Variants in EPHB1 observed in about 807,000 individuals in gnomAD.
EPHB1 encodes the protein ephrin type-B receptor 1.
In EPHB1, 30 loss-of-function variants were observed where a neutral mutation model predicts 94.4. The ratio of observed to expected loss-of-function variants is 0.32; its 90% CI spans 0.24 to 0.43. The LOEUF (loss-of-function observed/expected upper bound fraction) is 0.43. Ranked by LOEUF, EPHB1 falls within the 20% of genes least tolerant of loss-of-function variation. The pLI, the probability that EPHB1 is intolerant of heterozygous loss-of-function variation, is 1.00. For synonymous variants in EPHB1, 522 were observed against 489.1 expected (o/e 1.07, Z -0.89); for missense variants, 1,055 against 1,308.3 (o/e 0.81, Z 2.99).
At chr3:135,171,256 A>G (rs2107701540) in intron 9 of EPHB1, among the ~76,000 whole-genome samples, 1 of 152,290 alleles carries the variant, frequency 6.6e-6, no homozygotes, top group African/African-American at 2.4e-5. Flanking sequence ...GTGAATTTTT[A>G]TTTTGAAAAA....
In EPHB1 at chr3:134,890,112, C is replaced by T. The variant is rs540753534; in HGVS notation, c.59-35704C>T. 3.3e-5 allele frequency among the ~76,000 whole-genome samples: 5 copies of T among 152,244 alleles called. No homozygotes were observed. In the South Asian group the frequency reaches 1.0e-3, roughly 32 times the overall value. ...AAACGCAGAGGAAGCCCCCATCCACCTCTCCTCAGTCACTACCCCCCCTTC... is the reference window on the plus strand; with the variant it reads ...AAACGCAGAGGAAGCCCCCATCCACTTCTCCTCAGTCACTACCCCCCCTTC... On this transcript the variant is annotated intron_variant, in intron 1 of 15. Coordinates refer to ENST00000398015, the MANE Select transcript of EPHB1 (RefSeq NM_004441.5).
At position 134,886,686 on chromosome 3, in the gene EPHB1, T is replaced by G. The variant is rs1034101624; in HGVS notation, c.59-39130T>G. On this transcript the variant is annotated intron_variant, in intron 1 of 15. Transcript: ENST00000398015. ...TGTAATATTTCTTGAGTACTCACTA[T>G]GTGCTGGGAAGTGTGCAAACCTTTT... is the stretch of plus-strand genomic sequence containing the variant. Among the ~76,000 whole-genome samples, 11 of 152,226 alleles carry G rather than the reference T, an allele frequency of 7.2e-5. 1 individual carries two copies. The highest frequency in any genetic ancestry group is 7.2e-4 in the Admixed American group (11 of 15,286).
chr3:134,830,724 C>G (rs35600864), intron 1 of EPHB1, among the ~76,000 whole-genome samples: 24,090 of 152,142 alleles, frequency 0.16, 2,588 homozygotes, highest in African/African-American at 0.31. Context: ...TGACCGTGTT[C>G]AAGGGTTCCC....
intron 1 of EPHB1, among the ~76,000 whole-genome samples, chr3:134,863,295 C>T (rs909807907): frequency 1.3e-5 from 2 of 152,182 alleles, no homozygotes; most frequent in East Asian, 1.9e-4. Flanking sequence ...TGGCCTGTTT[C>T]GCATCATACT....
At chr3:134,923,744 C>T (rs1340830392) in intron 1 of EPHB1, among the ~76,000 whole-genome samples, 1 of 152,178 alleles carries the variant, frequency 6.6e-6, no homozygotes, top group Non-Finnish European at 1.5e-5. Context: ...TCTCCCCAAA[C>T]CTTTGGTTTA....
intron 3 of EPHB1, among the ~76,000 whole-genome samples, chr3:134,983,807 A>C (rs1385836330): frequency 2.0e-5 from 3 of 152,228 alleles, no homozygotes; most frequent in Non-Finnish European, 4.4e-5. Context: ...CAGTGACCCA[A>C]AACCTCATAG....
intron 10 of EPHB1, among the ~76,000 whole-genome samples, chr3:135,180,881 G>T (rs779307514): frequency 2.0e-5 from 3 of 151,918 alleles, no homozygotes; most frequent in Admixed American, 2.0e-4. Context: ...TTCAATTCTT[G>T]TTAGCCATTG....
At chr3:135,029,367 G>T (rs1329142182) in intron 3 of EPHB1, among the ~76,000 whole-genome samples, 1 of 151,854 alleles carries the variant, frequency 6.6e-6, no homozygotes, top group East Asian at 1.9e-4. Flanking sequence ...GGTACTGGTT[G>T]TTCCTTTCCA....
chr3:134,822,030 A>G (rs1373878997), intron 1 of EPHB1, among the ~76,000 whole-genome samples: 1 of 152,162 alleles, frequency 6.6e-6, no homozygotes, highest in Non-Finnish European at 1.5e-5. Context: ...GGAGGAAGGG[A>G]GCTCCCCATA....
intron 1 of EPHB1, among the ~76,000 whole-genome samples, chr3:134,807,036 A>C (rs1222489474): frequency 2.6e-5 from 4 of 152,144 alleles, no homozygotes; most frequent in African/African-American, 7.2e-5. Flanking sequence ...CTTGATTACA[A>C]AATTCTTTTC....
intron 12 of EPHB1, among the ~76,000 whole-genome samples, chr3:135,219,046 T>TG (rs939788121): frequency 3.6e-4 from 55 of 152,074 alleles, no homozygotes; most frequent in Middle Eastern, 6.8e-3. Flanking sequence ...CAAGCACAGG[T>TG]GGGGGAAGAG....
At chr3:135,140,026 A>T (rs972601232) in intron 5 of EPHB1, among the ~76,000 whole-genome samples, 1 of 152,082 alleles carries the variant, frequency 6.6e-6, no homozygotes, top group African/African-American at 2.4e-5. Flanking sequence ...TCAGGGACCT[A>T]TTTGCTTGTT....
At chr3:135,169,592 C>T (rs1941746702) in intron 9 of EPHB1, among the ~76,000 whole-genome samples, 1 of 152,146 alleles carries the variant, frequency 6.6e-6, no homozygotes, top group South Asian at 2.1e-4. Context: ...GAATGTAGAG[C>T]TGGCGGATGG....
chr3:135,241,005 C>A, intron 12 of EPHB1, 143 bp from the exon 13 acceptor site: 1 of 986,328 alleles, frequency 1.0e-6, no homozygotes, highest in Non-Finnish European at 1.5e-6. Flanking sequence ...ATAGCTTGTG[C>A]ACGAAGCAAG....
chr3:134,822,790 G>A (rs1339713612), intron 1 of EPHB1, among the ~76,000 whole-genome samples: 1 of 152,182 alleles, frequency 6.6e-6, no homozygotes, highest in Non-Finnish European at 1.5e-5. Flanking sequence ...CCTTGGAAGA[G>A]ATTTGTGTCT....
intron 3 of EPHB1, among the ~76,000 whole-genome samples, chr3:134,959,823 A>G (rs539331764): frequency 9.2e-5 from 14 of 152,178 alleles, no homozygotes; most frequent in African/African-American, 3.4e-4. Context: ...TCTTATTTGT[A>G]TCAAGGACCC....
intron 12 of EPHB1, among the ~76,000 whole-genome samples, chr3:135,230,595 A>T (rs905930814): frequency 2.6e-5 from 4 of 152,172 alleles, no homozygotes; most frequent in South Asian, 2.1e-4. Flanking sequence ...TTAAATTTTT[A>T]AAATAATTTT....
chr3:135,248,351 C>G lies in EPHB1; in HGVS notation c.2532C>G (p.Pro844=), dbSNP rs914509193. ...CCATCGAGCAGGACTACCGGCTGCCCCCACCCATGGACTGTCCAGCTGCTC... is the reference window on the plus strand; with the variant it reads ...CCATCGAGCAGGACTACCGGCTGCCGCCACCCATGGACTGTCCAGCTGCTC... ...INAIEQDYRL[P]PPMDCPAALH... is the part of the protein sequence containing the mutation. Residue 844 remains proline (P), a synonymous_variant, in exon 14 of 16, where the codon CCC becomes CCG. Coordinates refer to ENST00000398015, the MANE Select transcript of EPHB1 (RefSeq NM_004441.5). The G allele has an allele frequency of 6.3e-7, 1 of 1,598,878 alleles. No homozygotes were observed. Among genetic ancestry groups the G allele is most frequent in the South Asian group, 1.1e-5 (1 of 90,006 alleles).
chr3:134,829,273 G>A (rs1482394810), intron 1 of EPHB1, among the ~76,000 whole-genome samples: 5 of 151,998 alleles, frequency 3.3e-5, no homozygotes, highest in Non-Finnish European at 7.4e-5. Context: ...TGTTTTGGAG[G>A]GAAAAAAATA....
Sources: gnomAD v4.1 joint callset for allele counts (sites outside exome capture counted in the v4.1 genomes callset) on GRCh38, gnomAD v4.1.1 for gene constraint, MANE v1.5 for transcripts, NCBI Gene and HGNC (gene_info 2026-07-23, HGNC 2026-07-21) for gene names.